IMMP2L: variants seen among roughly 807,000 people sequenced by gnomAD.
The protein encoded by IMMP2L is mitochondrial inner membrane protease subunit 2.
A neutral mutation model predicts 19.3 loss-of-function variants in IMMP2L; 18 were observed. The ratio of observed to expected loss-of-function variants is 0.93; its 90% confidence interval spans 0.64 to 1.38. The LOEUF is 1.38. Ranked by LOEUF, IMMP2L falls within the 40% of genes most tolerant of loss-of-function variation. The probability of loss-of-function intolerance (pLI) is 0.00; values close to 1 mark genes in which losing one functional copy is unlikely to be tolerated. For missense variants in IMMP2L, 233 were observed against 218.2 expected (o/e 1.07, Z -0.43); for synonymous variants, 76 against 73.0 (o/e 1.04, Z -0.21).
chr7:111,532,970 T>C (rs1489014827), intron 1 of IMMP2L, among the ~76,000 whole-genome samples: 1 of 152,206 alleles, frequency 6.6e-6, no homozygotes, highest in East Asian at 1.9e-4. Flanking sequence ...TGAGTGCTTA[T>C]GGTCCTTTTA....
intron 5 of IMMP2L, among the ~76,000 whole-genome samples, chr7:110,846,655 T>G (rs1805706184): frequency 6.6e-6 from 1 of 152,076 alleles, no homozygotes. Flanking sequence ...TGTAAGCCAC[T>G]GCACCTAGCT....
intron 3 of IMMP2L, among the ~76,000 whole-genome samples, chr7:111,171,349 T>A (rs1806428390): frequency 6.6e-6 from 1 of 151,690 alleles, no homozygotes; most frequent in Non-Finnish European, 1.5e-5. Flanking sequence ...TAGGGTAGCA[T>A]AAAATCAATG....
chr7:111,112,082 G>A (rs1460906614), intron 3 of IMMP2L, among the ~76,000 whole-genome samples: 1 of 150,880 alleles, frequency 6.6e-6, no homozygotes, highest in Non-Finnish European at 1.5e-5. Flanking sequence ...CGAGTAGCTG[G>A]GTTTACAGGC....
At chr7:110,898,928 G>C (rs1381794166) in intron 4 of IMMP2L, among the ~76,000 whole-genome samples, 1 of 151,664 alleles carries the variant, frequency 6.6e-6, no homozygotes, top group African/African-American at 2.4e-5. Flanking sequence ...CTATTTCAGA[G>C]TTAATAATAT....
intron 4 of IMMP2L, among the ~76,000 whole-genome samples, chr7:110,949,581 A>G (rs2129553986): frequency 6.6e-6 from 1 of 152,274 alleles, no homozygotes; most frequent in South Asian, 2.1e-4. Flanking sequence ...ATAAACTTTT[A>G]TTGGGAATTT....
chr7:111,285,826 T>C (rs1366205382), intron 3 of IMMP2L, among the ~76,000 whole-genome samples: 1 of 152,208 alleles, frequency 6.6e-6, no homozygotes, highest in East Asian at 1.9e-4. Flanking sequence ...CATATTTATG[T>C]ACTGCAAAAT....
At chr7:110,983,177 A>G (rs1821485496) in intron 3 of IMMP2L, among the ~76,000 whole-genome samples, 2 of 152,074 alleles carry the variant, frequency 1.3e-5, no homozygotes, top group African/African-American at 4.8e-5. Context: ...GTTATTGGCT[A>G]TTATTATCTA....
intron 3 of IMMP2L, among the ~76,000 whole-genome samples, chr7:110,972,167 GA>G (rs113452643): frequency 0.052 from 7,173 of 137,374 alleles, 466 homozygotes; most frequent in African/African-American, 0.16. Flanking sequence ...ATTGTTTCCA[GA>G]AAAAAAAAAA....
At chr7:110,923,522 G>C (rs944528018) in intron 4 of IMMP2L, among the ~76,000 whole-genome samples, 1 of 152,150 alleles carries the variant, frequency 6.6e-6, no homozygotes, top group Non-Finnish European at 1.5e-5. Context: ...GATTCTCCCT[G>C]AAAGGAGGCT....
At chr7:110,882,658 G>A (rs1809808595) in intron 5 of IMMP2L, among the ~76,000 whole-genome samples, 1 of 151,996 alleles carries the variant, frequency 6.6e-6, no homozygotes, top group South Asian at 2.1e-4. Context: ...TGGGATTACA[G>A]CCATGAGCCA....
chr7:111,450,122 A>G lies in IMMP2L; in HGVS notation c.239+37116T>C, dbSNP rs910142574. Among the ~76,000 whole-genome samples, 211 of 152,016 alleles carry G rather than the reference A, an allele frequency of 1.4e-3. 1 individual carries two copies. The highest frequency in any genetic ancestry group is 4.9e-3 in the African/African-American group (204 of 41,394). On this transcript the variant is annotated intron_variant, in intron 3 of 5. Transcript: ENST00000405709. ...GGTAGGAAGAATCAATATTGTGAAA[A>G]TGGCCATACTGCCCAAGGTAATTTA...
intron 3 of IMMP2L, among the ~76,000 whole-genome samples, chr7:111,167,484 G>A (rs1255241199): frequency 6.6e-6 from 1 of 151,892 alleles, no homozygotes; most frequent in East Asian, 1.9e-4. Flanking sequence ...AAGATTATAT[G>A]CACATCCTAA....
intron 3 of IMMP2L, among the ~76,000 whole-genome samples, chr7:111,325,967 T>A (rs1204143838): frequency 6.6e-6 from 1 of 151,762 alleles, no homozygotes; most frequent in African/African-American, 2.4e-5. Context: ...ATAACTGAAT[T>A]GTGAGCAACA....
intron 4 of IMMP2L, among the ~76,000 whole-genome samples, chr7:110,932,770 T>C (rs933322365): frequency 1.3e-5 from 2 of 152,232 alleles, no homozygotes; most frequent in Non-Finnish European, 2.9e-5. Context: ...ACTGTTTTAA[T>C]ACTGAGGTAC....
chr7:110,914,233 T>C (rs1813351994), intron 4 of IMMP2L, among the ~76,000 whole-genome samples: 1 of 152,164 alleles, frequency 6.6e-6, no homozygotes, highest in Admixed American at 6.6e-5. Context: ...GATCCTGATC[T>C]CACTCGTTTA....
At chr7:111,146,900 T>C (rs1803538904) in intron 3 of IMMP2L, among the ~76,000 whole-genome samples, 1 of 152,244 alleles carries the variant, frequency 6.6e-6, no homozygotes, top group African/African-American at 2.4e-5. Flanking sequence ...TCTCCTAACA[T>C]TTCTTTCATT....
chr7:110,719,439 GA>G (rs1245754913), intron 5 of IMMP2L, among the ~76,000 whole-genome samples: 15 of 152,060 alleles, frequency 9.9e-5, no homozygotes, highest in African/African-American at 3.6e-4. Context: ...AATTGATCAG[GA>G]TTTTTTTTTA....
At chr7:111,488,069 C>T (rs1409006965) in intron 2 of IMMP2L, among the ~76,000 whole-genome samples, 1 of 152,146 alleles carries the variant, frequency 6.6e-6, no homozygotes, top group South Asian at 2.1e-4. Flanking sequence ...ACCAGCATAC[C>T]TGTCATTTGG....
chr7:110,967,278 A>T (rs923584800), intron 3 of IMMP2L, among the ~76,000 whole-genome samples: 2 of 151,884 alleles, frequency 1.3e-5, no homozygotes, highest in Non-Finnish European at 2.9e-5. Flanking sequence ...TGTTCCCAAA[A>T]AGTTATAATT....
Sources: gnomAD v4.1 joint callset for allele counts (sites outside exome capture counted in the v4.1 genomes callset) on GRCh38, gnomAD v4.1.1 for gene constraint, MANE v1.5 for transcripts, NCBI Gene and HGNC (gene_info 2026-07-23, HGNC 2026-07-21) for gene names.